TLN2: variants seen among roughly 807,000 people sequenced by gnomAD.
The protein encoded by TLN2 is talin-2.
Under a neutral mutation model 294.7 loss-of-function variants are expected in TLN2, and 118 were observed. The observed-to-expected ratio is 0.40, with a 90% CI of 0.34 to 0.47. TLN2 has a LOEUF of 0.47. Among genes scored for constraint, TLN2 ranks in the 20% least tolerant of loss-of-function variants. The probability of loss-of-function intolerance (pLI) is 0.84; values close to 1 mark genes in which losing one functional copy is unlikely to be tolerated. For missense variants in TLN2, 3,083 were observed against 3,282.2 expected (o/e 0.94, Z 1.48); for synonymous variants, 1,431 against 1,304.5 (o/e 1.10, Z -2.09).
intron 2 of TLN2, among the ~76,000 whole-genome samples, chr15:62,614,183 G>A (rs1376289831): frequency 6.6e-6 from 1 of 152,114 alleles, no homozygotes; most frequent in African/African-American, 2.4e-5. Context: ...AAACCAATAG[G>A]TTTTGCTGTG....
chr15:62,481,372 G>T (rs28657885), intron 1 of TLN2, among the ~76,000 whole-genome samples: 1,844 of 152,298 alleles, frequency 0.012, 40 homozygotes, highest in African/African-American at 0.043. Context: ...CCCCTTGTGT[G>T]TGGGAAAGTA....
At chr15:62,825,813 T>TTA (rs1555521969) in intron 54 of TLN2, among the ~76,000 whole-genome samples, 1 of 3,190 alleles carries the variant, frequency 3.1e-4, no homozygotes, top group African/African-American at 7.6e-4. Context: ...ATATATTATA[T>TTA]TATAATATAT....
intron 10 of TLN2, among the ~76,000 whole-genome samples, chr15:62,674,196 A>T (rs2055846616): frequency 6.6e-6 from 1 of 152,230 alleles, no homozygotes; most frequent in Admixed American, 6.5e-5. Context: ...TTGAGGAAGG[A>T]TCTACAAGTA....
chr15:62,706,910 A>G (rs1255604799), intron 19 of TLN2, among the ~76,000 whole-genome samples, 176 bp from the exon 20 acceptor site: 1 of 152,258 alleles, frequency 6.6e-6, no homozygotes, highest in South Asian at 2.1e-4. Context: ...TTATTAGGAT[A>G]CAAGTCTCCT....
chr15:62,715,872 C>T (rs1200608563), intron 22 of TLN2, among the ~76,000 whole-genome samples: 2 of 152,220 alleles, frequency 1.3e-5, no homozygotes, highest in African/African-American at 4.8e-5. Flanking sequence ...CCTCTTCCCT[C>T]TGTCCCCACC....
chr15:62,493,393 C>T (rs538171552), intron 1 of TLN2, among the ~76,000 whole-genome samples: 3 of 152,190 alleles, frequency 2.0e-5, no homozygotes, highest in South Asian at 4.1e-4. Context: ...GTTTGTTGTG[C>T]GGTGGGTGTT....
chr15:62,588,263 T>C (rs1442330298), intron 1 of TLN2, among the ~76,000 whole-genome samples: 1 of 152,186 alleles, frequency 6.6e-6, no homozygotes, highest in Non-Finnish European at 1.5e-5. Flanking sequence ...CATGAAAAAT[T>C]TGTTAATTTG....
intron 54 of TLN2, among the ~76,000 whole-genome samples, chr15:62,825,733 TATTTTTATA>T (rs2067998708): frequency 9.0e-6 from 1 of 110,740 alleles, no homozygotes; most frequent in African/African-American, 4.4e-5. Flanking sequence ...TATAAAAATA[TATTTTTATA>T]TATATTAAAT....
intron 9 of TLN2, among the ~76,000 whole-genome samples, chr15:62,659,269 G>C (rs747436437): frequency 6.6e-6 from 1 of 152,168 alleles, no homozygotes; most frequent in East Asian, 1.9e-4. Context: ...TACTTAAAGA[G>C]GTTCTCCGCA....
chr15:62,600,899 GTTA>G (rs1335000368), intron 2 of TLN2, among the ~76,000 whole-genome samples: 2 of 152,142 alleles, frequency 1.3e-5, no homozygotes, highest in South Asian at 2.1e-4. Flanking sequence ...AAATGTAAAC[GTTA>G]TTAATATTTT....
chr15:62,505,127 T>G (rs1017451881), intron 1 of TLN2, among the ~76,000 whole-genome samples: 5 of 151,914 alleles, frequency 3.3e-5, no homozygotes, highest in African/African-American at 9.7e-5. Context: ...CAGCTAATTT[T>G]TTTGTATTTT....
intron 2 of TLN2, among the ~76,000 whole-genome samples, chr15:62,613,411 C>G (rs752433520): frequency 1.3e-5 from 2 of 152,116 alleles, no homozygotes; most frequent in African/African-American, 4.8e-5. Context: ...ACAGGGGATC[C>G]CGTGTCCTAC....
Position 62,777,922 on chromosome 15 carries a change from A to G in TLN2, c.5514+1012A>G, listed in dbSNP as rs80183991. Among the ~76,000 whole-genome samples, 649 of 152,352 alleles carry G rather than the reference A, an allele frequency of 4.3e-3. 5 individuals are homozygous for G. The highest frequency in any genetic ancestry group is 0.015 in the African/African-American group (624 of 41,582). ...CATGTAAGTTTGACATTCATTAGAA[A>G]GAATGCTTGTTCATCAGCATCTAAT... On this transcript the variant is annotated intron_variant, in intron 43 of 58. Transcript: ENST00000636159.
At chr15:62,818,738 G>A (rs1394111190) in intron 52 of TLN2, among the ~76,000 whole-genome samples, 1 of 152,126 alleles carries the variant, frequency 6.6e-6, no homozygotes, top group African/African-American at 2.4e-5. Context: ...TTTGTCTCAA[G>A]GACTTGAGTG....
intron 1 of TLN2, among the ~76,000 whole-genome samples, chr15:62,410,141 C>T (rs13379631): frequency 0.21 from 31,747 of 151,906 alleles, 3,496 homozygotes; most frequent in Middle Eastern, 0.24. Context: ...ACTCAGGAGG[C>T]TGAGGCGGGA....
At chr15:62,769,429 C>T (rs16945697) in intron 41 of TLN2, among the ~76,000 whole-genome samples, 5,361 of 152,260 alleles carry the variant, frequency 0.035, 318 homozygotes, top group African/African-American at 0.12. Context: ...TCTGCCCTGG[C>T]GTCGCTCATG....
intron 3 of TLN2, among the ~76,000 whole-genome samples, chr15:62,632,300 C>T (rs774184147): frequency 4.6e-5 from 7 of 152,170 alleles, no homozygotes; most frequent in Non-Finnish European, 8.8e-5. Context: ...CTGGAAAGGT[C>T]GAGAAGGCCC....
rs2035404660 is a variant in TLN2, at chr15:62,438,581, C to T, written c.-238+47896C>T. On this transcript the variant is annotated intron_variant, in intron 1 of 58. Coordinates refer to ENST00000636159, the MANE Select transcript of TLN2 (RefSeq NM_015059.3). ...ATAATCAGTCAGCCCATGTTGTTTA[C>T]AGCGTAGCAAGTGTAAGAGGGAAGT... Among the ~76,000 whole-genome samples, 4 of 152,296 alleles carry T rather than the reference C, an allele frequency of 2.6e-5. No homozygotes were observed. The South Asian group carries it at 8.3e-4, about 32-fold the overall frequency.
chr15:62,553,837 A>C (rs2042456853), intron 1 of TLN2, among the ~76,000 whole-genome samples: 1 of 152,172 alleles, frequency 6.6e-6, no homozygotes, highest in African/African-American at 2.4e-5. Flanking sequence ...AAAATGCTTA[A>C]GTTGTCAAGA....
Sources: allele counts gnomAD v4.1 joint callset (sites outside exome capture counted in the v4.1 genomes callset), GRCh38; gene constraint gnomAD v4.1.1; transcripts MANE v1.5; gene names NCBI Gene and HGNC (gene_info 2026-07-23, HGNC 2026-07-21).